Variants in OSTF1 observed in about 807,000 individuals in gnomAD.
The protein encoded by OSTF1 is osteoclast stimulating factor 1, also known as osteoclast-stimulating factor 1.
A neutral mutation model predicts 37.2 loss-of-function variants in OSTF1; 27 were observed. The ratio of observed to expected loss-of-function variants is 0.73; its 90% CI spans 0.54 to 1.00. The LOEUF is 1.00. Ranked by LOEUF, OSTF1 falls within the 50% of genes least tolerant of loss-of-function variation. OSTF1 has a pLI of 0.00. For synonymous variants in OSTF1, 82 were observed against 89.2 expected (o/e 0.92, Z 0.46); for missense variants, 232 against 253.8 (o/e 0.91, Z 0.58).
At chr9:75,109,060 G>C (rs1394274640) in intron 1 of OSTF1, among the ~76,000 whole-genome samples, 1 of 122,944 alleles carries the variant, frequency 8.1e-6, no homozygotes, top group Non-Finnish European at 1.7e-5. Context: ...TCACTCTCTT[G>C]CCCAGGCTAG....
intron 1 of OSTF1, among the ~76,000 whole-genome samples, chr9:75,110,674 G>A (rs867983996): frequency 3.3e-5 from 5 of 151,598 alleles, no homozygotes; most frequent in East Asian, 1.9e-4. Flanking sequence ...GCTGTTTATC[G>A]TATATCTGTG....
intron 1 of OSTF1, among the ~76,000 whole-genome samples, chr9:75,110,030 G>T (rs983081619): frequency 6.6e-6 from 1 of 152,100 alleles, no homozygotes; most frequent in African/African-American, 2.4e-5. Context: ...ACCAGATACA[G>T]CATTCTTAAA....
intron 9 of OSTF1, among the ~76,000 whole-genome samples, chr9:75,143,278 A>G (rs1350680321): frequency 1.3e-5 from 2 of 152,190 alleles, no homozygotes; most frequent in Non-Finnish European, 2.9e-5. Flanking sequence ...TGCAGTTACT[A>G]TGGAAGATAA....
At chr9:75,141,312 CAAA>C (rs529293090) in intron 9 of OSTF1, among the ~76,000 whole-genome samples, 1,395 of 71,700 alleles carry the variant, frequency 0.019, 25 homozygotes, top group African/African-American at 0.059. Flanking sequence ...AAAAGAAAAC[CAAA>C]AAAAAAAAAA....
At chr9:75,088,811 G>A (rs1824867787) in intron 1 of OSTF1, 85 bp downstream of exon 1, 4 of 1,355,556 alleles carry the variant, frequency 3.0e-6, no homozygotes, top group Middle Eastern at 2.2e-4. Flanking sequence ...GGGAGGACCC[G>A]GCGCGCACCC....
chr9:75,131,216 C>T (rs1587468776), intron 4 of OSTF1, among the ~76,000 whole-genome samples: 1 of 152,208 alleles, frequency 6.6e-6, no homozygotes, highest in South Asian at 2.1e-4. Flanking sequence ...TCTTCCATTT[C>T]CTAATAACAC....
Position 75,099,484 on chromosome 9 carries a change from A to G in OSTF1, c.34+10758A>G, listed in dbSNP as rs150869580. Among the ~76,000 whole-genome samples the G allele has an allele frequency of 3.5e-4, 53 of 151,990 alleles. No individual in the cohort carries two copies. In the East Asian group the frequency reaches 9.4e-3, roughly 27 times the overall value. Reference sequence around the variant, plus strand: ...CCCAGGCTGGTCTGATGGGGTCTCCATAGTGGGACCTCCTGGGCTGAAACA... The same window carrying G: ...CCCAGGCTGGTCTGATGGGGTCTCCGTAGTGGGACCTCCTGGGCTGAAACA... On this transcript the variant is annotated intron_variant, in intron 1 of 9. Coordinates refer to ENST00000346234, the MANE Select transcript of OSTF1 (RefSeq NM_012383.5).
intron 2 of OSTF1, among the ~76,000 whole-genome samples, chr9:75,118,737 A>T (rs916227537): frequency 2.6e-5 from 4 of 152,184 alleles, no homozygotes; most frequent in Non-Finnish European, 5.9e-5. Context: ...ACCAAGTGAA[A>T]GGGGAAACCC....
intron 3 of OSTF1, among the ~76,000 whole-genome samples, chr9:75,129,402 A>T (rs530995575): frequency 6.6e-6 from 1 of 152,204 alleles, no homozygotes; most frequent in Admixed American, 6.5e-5. Context: ...GGTTATTTCA[A>T]TGAAGAAGGA....
At position 75,127,614 on chromosome 9, in the gene OSTF1, G is replaced by T; in HGVS notation, c.127G>T (p.Asp43Tyr). 6.4e-7 allele frequency: 1 copy of T among 1,552,988 alleles called. No homozygotes were observed. The highest frequency in any genetic ancestry group is 1.2e-5 in the South Asian group (1 of 85,658). ...FEEGDIIYITDMSDTNWWKGT... is the reference protein window; with the variant it reads ...FEEGDIIYITYMSDTNWWKGT... Reference sequence around the variant, plus strand: ...GGAAGGTGATATTATCTACATTACTGACATGGTAAGTCCAGATAACATCTT... The same window carrying T: ...GGAAGGTGATATTATCTACATTACTTACATGGTAAGTCCAGATAACATCTT... Residue 43 changes from aspartate (D) to tyrosine (Y), a missense_variant, in exon 3 of 10, where the codon GAC becomes TAC. By Grantham distance (160) the Asp-to-Tyr change is radical. Coordinates refer to ENST00000346234, the MANE Select transcript of OSTF1 (RefSeq NM_012383.5).
chr9:75,128,387 T>TTTGTCC lies in OSTF1; in HGVS notation c.132+768_132+769insTTGTCC, dbSNP rs1439910491. On this transcript the variant is annotated intron_variant, in intron 3 of 9. Coordinates refer to ENST00000346234, the MANE Select transcript of OSTF1 (RefSeq NM_012383.5). ...ACATATATATATATATATATATATA[T>TTTGTCC]ATATATATATATATATATATTTTGT... Among the ~76,000 whole-genome samples the TTTGTCC allele has an allele frequency of 6.5e-5, 6 of 91,736 alleles. 2 individuals carry two copies. The highest frequency in any genetic ancestry group is 6.5e-5 in the Non-Finnish European group (3 of 46,172). 60.2% of individuals were successfully genotyped at this position (91,736 alleles called of 152,430 possible).
chr9:75,090,672 A>AAG (rs1824956202), intron 1 of OSTF1, among the ~76,000 whole-genome samples: 1 of 151,896 alleles, frequency 6.6e-6, no homozygotes, highest in African/African-American at 2.4e-5. Context: ...AGCTTAGTTG[A>AAG]AGAAAAAAAA....
chr9:75,108,311 T>C (rs1006994713), intron 1 of OSTF1, among the ~76,000 whole-genome samples: 3 of 150,528 alleles, frequency 2.0e-5, no homozygotes, highest in Non-Finnish European at 2.9e-5. Context: ...TTTCTCTAAA[T>C]GTAACAGTTA....
intron 1 of OSTF1, among the ~76,000 whole-genome samples, chr9:75,110,017 C>G (rs746462113): frequency 2.6e-5 from 4 of 152,166 alleles, no homozygotes; most frequent in Non-Finnish European, 4.4e-5. Flanking sequence ...ATCAACATCC[C>G]TCACCAGATA....
At chr9:75,106,027 G>A (rs181018975) in intron 1 of OSTF1, among the ~76,000 whole-genome samples, 100 of 152,302 alleles carry the variant, frequency 6.6e-4, no homozygotes, top group Non-Finnish European at 1.1e-3. Context: ...TAAAGAGTCC[G>A]CTATTCCTGC....
At chr9:75,118,558 C>T (rs558286159) in intron 2 of OSTF1, among the ~76,000 whole-genome samples, 1 of 152,062 alleles carries the variant, frequency 6.6e-6, no homozygotes, top group East Asian at 1.9e-4. Context: ...AGGAAAGAAA[C>T]CAAGAAGATT....
chr9:75,146,829 A>C lies in OSTF1; in HGVS notation c.*88A>C. Reference sequence around the variant, plus strand: ...TTGCCAGAAAAGTGTTGGTAACTATAAAGAAAATTATATATGAACACGGCA... The same window carrying C: ...TTGCCAGAAAAGTGTTGGTAACTATCAAGAAAATTATATATGAACACGGCA... On this transcript the variant is annotated 3_prime_UTR_variant, in exon 10 of 10. Transcript: ENST00000346234. 1 of 893,684 alleles carries C rather than the reference A, an allele frequency of 1.1e-6. No homozygotes were observed. Among genetic ancestry groups the C allele is most frequent in the Non-Finnish European group, 1.8e-6 (1 of 555,380 alleles). The allele number at this position is 893,684 out of a possible 1,614,324, so 55.4% of individuals were successfully genotyped here.
chr9:75,125,120 A>T (rs1825641241), intron 2 of OSTF1, among the ~76,000 whole-genome samples: 1 of 152,102 alleles, frequency 6.6e-6, no homozygotes, highest in Admixed American at 6.6e-5. Flanking sequence ...TTCTTCCTTC[A>T]TTCTCCCCTC....
Position 75,139,669 on chromosome 9 carries a change from C to T in OSTF1, c.488-1165C>T, listed in dbSNP as rs145730852. On this transcript the variant is annotated intron_variant, in intron 8 of 9. Transcript: ENST00000346234. ...AACTCCTGACCTCAAATGATCTGCC[C>T]GCCTTGGCCTCCTAAAGTGCCAGGA... 4.7e-3 allele frequency among the ~76,000 whole-genome samples: 713 copies of T among 152,272 alleles called. 7 individuals are homozygous for T. Among genetic ancestry groups the T allele is most frequent in the African/African-American group, 0.016 (680 of 41,548 alleles).
Sources: allele counts gnomAD v4.1 joint callset (sites outside exome capture counted in the v4.1 genomes callset), GRCh38; gene constraint gnomAD v4.1.1; transcripts MANE v1.5; gene names NCBI Gene and HGNC (gene_info 2026-07-23, HGNC 2026-07-21).